STOX2: variants seen among roughly 807,000 people sequenced by gnomAD.
STOX2 encodes the protein storkhead-box protein 2.
STOX2 carries 28 observed loss-of-function variants against 60.9 expected under a neutral mutation model. That is an observed-to-expected ratio of 0.46 (90% CI 0.34 to 0.63). The LOEUF (loss-of-function observed/expected upper bound fraction) is 0.63. STOX2 is among the 30% of genes least tolerant of loss of function. The probability of loss-of-function intolerance (pLI) is 0.01; values close to 1 mark genes in which losing one functional copy is unlikely to be tolerated. For synonymous variants in STOX2, 472 were observed against 463.9 expected, an observed-to-expected ratio of 1.02 and a Z score of -0.22; for missense variants, 1,024 against 1,187.7, an observed-to-expected ratio of 0.86 and a Z score of 2.03.
chr4:183,884,780 C>G (rs1026320670), intron 1 of STOX2, among the ~76,000 whole-genome samples: 1 of 152,146 alleles, frequency 6.6e-6, no homozygotes, highest in Non-Finnish European at 1.5e-5. Flanking sequence ...GAGAAAGCTA[C>G]AAGTTTGTCA....
intron 1 of STOX2, among the ~76,000 whole-genome samples, chr4:183,804,134 T>G (rs1282884919): frequency 3.3e-5 from 5 of 152,234 alleles, no homozygotes; most frequent in East Asian, 1.9e-4. Flanking sequence ...TTTTATGATC[T>G]AATCTAATCT....
Position 184,001,806 on chromosome 4 carries a change from C to T in STOX2, c.319+329C>T, listed in dbSNP as rs1179835371. On this transcript the variant is annotated intron_variant, in intron 2 of 3. Coordinates refer to ENST00000308497, the MANE Select transcript of STOX2 (RefSeq NM_020225.3). This position sits in a 1 kb window ranked among gnomAD's most constrained non-coding sequence, Gnocchi z 4.2. Reference sequence around the variant, plus strand: ...TAAATACATGAACGTGAGGGTTCAACGGCTGAAAACTTTAGTCCTAGGGAG... The same window carrying T: ...TAAATACATGAACGTGAGGGTTCAATGGCTGAAAACTTTAGTCCTAGGGAG... 6.6e-6 allele frequency among the ~76,000 whole-genome samples: 1 copy of T among 152,070 alleles called. No homozygotes were observed. Among genetic ancestry groups the T allele is most frequent in the Admixed American group, 6.5e-5 (1 of 15,268 alleles).
chr4:183,911,718 T>G (rs969357120), intron 1 of STOX2, among the ~76,000 whole-genome samples: 8 of 152,206 alleles, frequency 5.3e-5, no homozygotes, highest in Non-Finnish European at 1.0e-4. Context: ...ATTAGGACAA[T>G]TCAGACAATG....
rs554564719 is a variant in STOX2, at chr4:183,959,603, G to A, written c.167-41722G>A. On this transcript the variant is annotated intron_variant, in intron 1 of 3. Transcript: ENST00000308497. ...TTGGCAGTTTTCACAAGATCTTCTC[G>A]CTGTGCTTTATTTATTTATTTATTT... Among the ~76,000 whole-genome samples the A allele has an allele frequency of 2.6e-5, 4 of 152,200 alleles. No homozygotes were observed. The South Asian group carries it at 6.2e-4, about 24-fold the overall frequency.
At chr4:183,879,103 T>C (rs1362255876) in intron 1 of STOX2, among the ~76,000 whole-genome samples, 1 of 152,196 alleles carries the variant, frequency 6.6e-6, no homozygotes, top group African/African-American at 2.4e-5. Context: ...CCAAATTATC[T>C]GTGTTTGTTA....
chr4:183,942,846 T>G (rs1742789407), intron 1 of STOX2, among the ~76,000 whole-genome samples: 1 of 152,216 alleles, frequency 6.6e-6, no homozygotes, highest in Non-Finnish European at 1.5e-5. Flanking sequence ...GGCTCTGAAA[T>G]AAGAAGTCTT....
chr4:183,923,888 C>T (rs533112736), intron 1 of STOX2, among the ~76,000 whole-genome samples: 140 of 152,278 alleles, frequency 9.2e-4, no homozygotes, highest in Non-Finnish European at 1.6e-3. Context: ...GATATACCCT[C>T]CGGAAGGTAG....
At position 183,835,830 on chromosome 4, in the gene STOX2, C is replaced by T. The variant is rs78009887; in HGVS notation, c.364+37775C>T. 8.9e-3 allele frequency among the ~76,000 whole-genome samples: 1,360 copies of T among 152,256 alleles called. 13 individuals carry two copies. Among genetic ancestry groups the T allele is most frequent in the African/African-American group, 0.031 (1,297 of 41,524 alleles). ...TAAGAGTAATGCAGCTACAAACATT[C>T]CCTACAAGTCTTTGTGTGACATATG... On this transcript the variant is annotated intron_variant, in intron 1 of 2. Transcript: ENST00000513034.
At chr4:183,803,568 G>C (rs547625518) in intron 1 of STOX2, among the ~76,000 whole-genome samples, 2 of 152,328 alleles carry the variant, frequency 1.3e-5, no homozygotes, top group African/African-American at 4.8e-5. Context: ...GCATTCACCA[G>C]TTCCTGGGAT....
chr4:183,958,368 A>G (rs983990205), intron 1 of STOX2, among the ~76,000 whole-genome samples: 2 of 152,128 alleles, frequency 1.3e-5, no homozygotes, highest in Non-Finnish European at 2.9e-5. Context: ...GTCACACCAT[A>G]TATACCATAT....
chr4:183,990,577 G>A (rs1251591191), intron 1 of STOX2, among the ~76,000 whole-genome samples: 1 of 83,286 alleles, frequency 1.2e-5, no homozygotes, highest in African/African-American at 4.3e-5. Flanking sequence ...TAAAAAGCAG[G>A]ATTTTTTTTT....
intron 1 of STOX2, among the ~76,000 whole-genome samples, chr4:183,962,574 C>T (rs1743442908): frequency 1.3e-5 from 2 of 152,090 alleles, no homozygotes; most frequent in South Asian, 4.2e-4. Flanking sequence ...TTCAAACTAG[C>T]GTGAATCATT....
chr4:183,938,469 G>T (rs1456779005), intron 1 of STOX2, among the ~76,000 whole-genome samples: 1 of 152,020 alleles, frequency 6.6e-6, no homozygotes, highest in Non-Finnish European at 1.5e-5. Context: ...AGGAGTTTGA[G>T]ACCAGCCTGG....
chr4:184,017,205 GCGCGGAGC>G lies in STOX2; in HGVS notation c.2704_2711del (p.Ala902ProfsTer4). The G allele has an allele frequency of 6.2e-7, 1 of 1,612,428 alleles. No individual in the cohort carries two copies. The highest frequency in any genetic ancestry group is 8.5e-7 in the Non-Finnish European group (1 of 1,179,212). On this transcript the variant is annotated frameshift_variant, in exon 4 of 4. Transcript: ENST00000308497. LOFTEE classifies it high-confidence loss of function. ...GGTCCAGCCTTCAACTTCCGAGCGA[GCGCGGAGC>G]CCCCGACAAATGAAGCTGAGAAGCT... is the stretch of plus-strand genomic sequence containing the variant.
chr4:183,862,672 C>A (rs993015302), intron 1 of STOX2, among the ~76,000 whole-genome samples: 6 of 152,330 alleles, frequency 3.9e-5, no homozygotes, highest in Non-Finnish European at 8.8e-5. Flanking sequence ...ATGCGAGAGT[C>A]GGCAGGGTTT....
intron 1 of STOX2, among the ~76,000 whole-genome samples, chr4:183,945,433 G>A (rs528590480): frequency 1.4e-4 from 21 of 152,282 alleles, no homozygotes; most frequent in African/African-American, 4.8e-4. Context: ...ATGATTTAAT[G>A]AGCTTTCTAA....
intron 1 of STOX2, among the ~76,000 whole-genome samples, chr4:183,989,408 G>A (rs1381032095): frequency 6.6e-6 from 1 of 152,004 alleles, no homozygotes; most frequent in Non-Finnish European, 1.5e-5. Flanking sequence ...CTCCACATTG[G>A]TTAGGCTGGT....
At chr4:183,983,811 A>ATCTT (rs1732742960) in intron 1 of STOX2, among the ~76,000 whole-genome samples, 1 of 152,128 alleles carries the variant, frequency 6.6e-6, no homozygotes, top group Non-Finnish European at 1.5e-5. Context: ...TTAGAGAAGG[A>ATCTT]TCTTGCTCTC....
At chr4:183,952,892 C>T (rs765167669) in intron 1 of STOX2, among the ~76,000 whole-genome samples, 1 of 151,992 alleles carries the variant, frequency 6.6e-6, no homozygotes, top group Non-Finnish European at 1.5e-5. Context: ...TTTGGAGGGA[C>T]ATGGATGAAG....
Sources: gnomAD v4.1 joint callset for allele counts (sites outside exome capture counted in the v4.1 genomes callset) on GRCh38, gnomAD v4.1.1 for gene constraint, Gnocchi (gnomAD v3.1) non-coding constraint, MANE v1.5 for transcripts, NCBI Gene and HGNC (gene_info 2026-07-23, HGNC 2026-07-21) for gene names.